The following STARD9 variants were observed in gnomAD, a reference collection of about 807,000 sequenced individuals.
STARD9 encodes the protein StAR related lipid transfer domain containing 9, also known as stAR-related lipid transfer protein 9.
In STARD9, 346 loss-of-function variants were observed where a neutral mutation model predicts 399.8. The ratio of observed to expected loss-of-function variants is 0.87; its 90% CI spans 0.79 to 0.95. The LOEUF (loss-of-function observed/expected upper bound fraction) is 0.95, where lower values mean the gene tolerates loss of function less well. Ranked by LOEUF, STARD9 falls within the 40% of genes least tolerant of loss-of-function variation. The pLI is 0.00. For synonymous variants in STARD9, 2,203 were observed against 2,143.5 expected (o/e 1.03, Z -0.77); for missense variants, 5,832 against 5,667.5 (o/e 1.03, Z -0.93).
intron 3 of STARD9, among the ~76,000 whole-genome samples, chr15:42,615,882 C>T (rs1365271034): frequency 2.6e-5 from 4 of 151,996 alleles, no homozygotes; most frequent in Non-Finnish European, 5.9e-5. Context: ...TGATAAAAAG[C>T]AGGTTGATGT....
At chr15:42,597,126 C>T (rs927788398) in intron 3 of STARD9, among the ~76,000 whole-genome samples, 3 of 152,122 alleles carry the variant, frequency 2.0e-5, no homozygotes, top group South Asian at 2.1e-4. Context: ...GACAAGGTCT[C>T]GTTCTGTTTC....
At chr15:42,682,637 T>A (rs986717737) in intron 22 of STARD9, 62 bp downstream of exon 22, 92 of 1,360,512 alleles carry the variant, frequency 6.8e-5, no homozygotes, top group Non-Finnish European at 8.9e-5. Context: ...CTTGCCCAGG[T>A]AGTTTTCTGT....
At chr15:42,676,710 C>T (rs887266031) in intron 20 of STARD9, among the ~76,000 whole-genome samples, 5 of 152,108 alleles carry the variant, frequency 3.3e-5, no homozygotes, top group East Asian at 1.9e-4. Context: ...TATTCCTGTA[C>T]GTCAAAGTGA....
intron 3 of STARD9, among the ~76,000 whole-genome samples, chr15:42,596,297 T>G (rs1183445383): frequency 1.3e-5 from 2 of 152,200 alleles, no homozygotes; most frequent in African/African-American, 2.4e-5. Context: ...CATTTTTCTC[T>G]TGCTTGGATC....
In STARD9 at chr15:42,681,980, A is replaced by C. The variant is rs1432899487; in HGVS notation, c.2066-124A>C. The C allele has an allele frequency of 1.0e-5, 7 of 679,030 alleles. No individual in the cohort carries two copies. In the East Asian group the frequency reaches 1.9e-4, roughly 18 times the overall value. The allele number at this position is 679,030 out of a possible 1,614,324, so 42.1% of individuals were successfully genotyped here. On this transcript the variant is annotated intron_variant, in intron 21 of 32. Coordinates refer to ENST00000290607, the MANE Select transcript of STARD9 (RefSeq NM_020759.3). ...GTAGCCCTGCAGCCCTCACCCTGCC[A>C]CATCACCTTGGCCAGCTCTTTCACT... is the stretch of plus-strand genomic sequence containing the variant.
At chr15:42,714,597 C>A (rs1319319852) in intron 26 of STARD9, among the ~76,000 whole-genome samples, 2 of 151,950 alleles carry the variant, frequency 1.3e-5, no homozygotes, top group African/African-American at 2.4e-5. Flanking sequence ...GTTTGTATTT[C>A]TTCCTTGATT....
chr15:42,597,996 A>ATG lies in STARD9; in HGVS notation c.234+12360_234+12361insGT, dbSNP rs1267453797. Among the ~76,000 whole-genome samples, 377 of 43,922 alleles carry ATG rather than the reference A, an allele frequency of 8.6e-3. 6 individuals are homozygous for ATG. In the East Asian group the frequency reaches 0.1, roughly 12 times the overall value. 28.8% of individuals were successfully genotyped at this position (43,922 alleles called of 152,430 possible). On this transcript the variant is annotated intron_variant, in intron 3 of 32. Transcript: ENST00000290607. Reference sequence around the variant, plus strand: ...TGTGTGTGTGTGTGTGTTTGTATATATATATGTGTGTGTGTGTGTGTGTGT... The same window carrying ATG: ...TGTGTGTGTGTGTGTGTTTGTATATATGTATATGTGTGTGTGTGTGTGTGTGT...
At chr15:42,592,240 A>G (rs79147516) in intron 3 of STARD9, among the ~76,000 whole-genome samples, 2,562 of 152,318 alleles carry the variant, frequency 0.017, 68 homozygotes, top group African/African-American at 0.059. Flanking sequence ...ACACAGGATC[A>G]TCTGACTGCA....
chr15:42,610,431 T>G (rs1448489578), intron 3 of STARD9, among the ~76,000 whole-genome samples: 1 of 152,228 alleles, frequency 6.6e-6, no homozygotes, highest in Non-Finnish European at 1.5e-5. Context: ...AGAGAAGCTG[T>G]AACAATCAGT....
Position 42,689,692 on chromosome 15 carries a change from A to G in STARD9, c.8114A>G (p.Lys2705Arg). Residue 2705 changes from lysine to arginine, a missense_variant, in exon 23 of 33, where the codon AAG becomes AGG. Lys to Arg is a conservative substitution (Grantham distance 26). Coordinates refer to ENST00000290607, the MANE Select transcript of STARD9 (RefSeq NM_020759.3). ...HSSSSEIIEK[K>R]KDATRTPSSA... Reference sequence around the variant, plus strand: ...AGTTCTTCTGAAATCATAGAGAAAAAGAAAGATGCAACCAGAACACCTTCC... The same window carrying G: ...AGTTCTTCTGAAATCATAGAGAAAAGGAAAGATGCAACCAGAACACCTTCC... 1 of 1,537,886 alleles carries G rather than the reference A, an allele frequency of 6.5e-7. No individual in the cohort carries two copies. Among genetic ancestry groups the G allele is most frequent in the Non-Finnish European group, 8.7e-7 (1 of 1,147,046 alleles).
intron 7 of STARD9, among the ~76,000 whole-genome samples, chr15:42,642,119 A>C (rs1487417724): frequency 6.6e-6 from 1 of 152,208 alleles, no homozygotes; most frequent in African/African-American, 2.4e-5. Flanking sequence ...CATTCTGTGA[A>C]TATGACTTTA....
intron 7 of STARD9, among the ~76,000 whole-genome samples, chr15:42,645,412 A>C (rs965811507): frequency 1.3e-5 from 2 of 152,178 alleles, no homozygotes; most frequent in Admixed American, 6.5e-5. Flanking sequence ...ACTGTCAATG[A>C]GCAGTAATAT....
intron 15 of STARD9, among the ~76,000 whole-genome samples, chr15:42,667,018 T>C (rs546016344): frequency 6.6e-6 from 1 of 152,264 alleles, no homozygotes; most frequent in African/African-American, 2.4e-5. Flanking sequence ...TTTCACCACA[T>C]TGGCCAGGCT....
chr15:42,637,825 C>T (rs772022551), intron 4 of STARD9, 82 bp from the exon 5 acceptor site: 102 of 1,404,444 alleles, frequency 7.3e-5, no homozygotes, highest in Non-Finnish European at 9.7e-5. Context: ...ATCCCCCATG[C>T]TGAGGATGGT....
At chr15:42,596,066 G>A (rs2058497921) in intron 3 of STARD9, among the ~76,000 whole-genome samples, 1 of 152,200 alleles carries the variant, frequency 6.6e-6, no homozygotes, top group East Asian at 1.9e-4. Context: ...GTGGAAACTA[G>A]AGAAATCTTT....
chr15:42,652,400 T>G, intron 8 of STARD9, 120 bp from the exon 9 acceptor site: 1 of 811,098 alleles, frequency 1.2e-6, no homozygotes, highest in Non-Finnish European at 2.0e-6. Context: ...TAAATATGTG[T>G]GTTTTATGAT....
intron 3 of STARD9, among the ~76,000 whole-genome samples, chr15:42,609,788 A>C (rs1164196954): frequency 6.6e-6 from 1 of 152,074 alleles, no homozygotes; most frequent in Non-Finnish European, 1.5e-5. Flanking sequence ...CTAACTAGTT[A>C]ATCAGAAATG....
intron 26 of STARD9, among the ~76,000 whole-genome samples, chr15:42,698,414 G>T (rs1208418747): frequency 6.6e-6 from 1 of 152,094 alleles, no homozygotes; most frequent in East Asian, 1.9e-4. Flanking sequence ...TAGATTTTGT[G>T]TTGAAAATTG....
chr15:42,635,214 C>G (rs539303293), intron 4 of STARD9, among the ~76,000 whole-genome samples: 52 of 145,910 alleles, frequency 3.6e-4, no homozygotes, highest in Non-Finnish European at 7.3e-4. Flanking sequence ...GAACTGAGAT[C>G]GTGCCATTGC....
Sources: gnomAD v4.1 joint callset for allele counts (sites outside exome capture counted in the v4.1 genomes callset) on GRCh38, gnomAD v4.1.1 for gene constraint, MANE v1.5 for transcripts, NCBI Gene and HGNC (gene_info 2026-07-23, HGNC 2026-07-21) for gene names.